The following SLC13A3 variants were observed in gnomAD, a reference collection of about 807,000 sequenced individuals.
SLC13A3 encodes solute carrier family 13 member 3.
In SLC13A3, 40 loss-of-function variants were observed where a neutral mutation model predicts 59.0. The observed-to-expected ratio is 0.68, with a 90% CI of 0.53 to 0.88. SLC13A3 has a LOEUF of 0.88. SLC13A3 is among the 40% of genes least tolerant of loss of function. The pLI, the probability that SLC13A3 is intolerant of heterozygous loss-of-function variation, is 0.00. For missense variants in SLC13A3, 699 were observed against 783.2 expected (o/e 0.89, Z 1.28); for synonymous variants, 317 against 330.3 (o/e 0.96, Z 0.44).
intron 1 of SLC13A3, among the ~76,000 whole-genome samples, chr20:46,645,708 A>G (rs1432689554): frequency 6.6e-6 from 1 of 152,190 alleles, no homozygotes; most frequent in East Asian, 1.9e-4. Context: ...TGCAACAAAG[A>G]GAGGGCAGAT....
chr20:46,651,810 C>T (rs2062954359), upstream of SLC13A3, among the ~76,000 whole-genome samples: 1 of 152,198 alleles, frequency 6.6e-6, no homozygotes. Context: ...AATCCTGGCA[C>T]GGCCACTTAC....
At chr20:46,588,820 A>C (rs1451945592) in intron 7 of SLC13A3, among the ~76,000 whole-genome samples, 1 of 152,074 alleles carries the variant, frequency 6.6e-6, no homozygotes, top group Non-Finnish European at 1.5e-5. Flanking sequence ...CGTTATTTTC[A>C]CCATATGGAA....
rs759303431 is a variant in SLC13A3, at chr20:46,560,770, G to A, written c.1633-572C>T. 3.3e-5 allele frequency among the ~76,000 whole-genome samples: 5 copies of A among 152,164 alleles called. 1 individual carries two copies. Among genetic ancestry groups the A allele is most frequent in the Admixed American group, 2.6e-4 (4 of 15,278 alleles). ...CATTGGGAAGCATTTTTCTTCTGTC[G>A]GTGGAGAATGTGCCCATCTGCTCCC... On this transcript the variant is annotated intron_variant, in intron 12 of 12. Coordinates refer to ENST00000279027, the MANE Select transcript of SLC13A3 (RefSeq NM_022829.6).
At chr20:46,560,560 T>C (rs1020474099) in intron 12 of SLC13A3, among the ~76,000 whole-genome samples, 3 of 152,146 alleles carry the variant, frequency 2.0e-5, no homozygotes, top group Non-Finnish European at 4.4e-5. Flanking sequence ...AGTTGACTTG[T>C]CCAAGGTCAC....
chr20:46,625,172 A>G (rs529043740), intron 1 of SLC13A3, among the ~76,000 whole-genome samples: 148 of 152,332 alleles, frequency 9.7e-4, no homozygotes, highest in African/African-American at 3.4e-3. Context: ...AGGGGAACTC[A>G]GGAGACAATA....
At chr20:46,667,937 A>G (rs2063070348) in intron 1 of SLC13A3, among the ~76,000 whole-genome samples, 1 of 152,150 alleles carries the variant, frequency 6.6e-6, no homozygotes, top group African/African-American at 2.4e-5. Flanking sequence ...TGATCTTTGA[A>G]GTTACTATTG....
chr20:46,615,260 T>A (rs1185486734), intron 1 of SLC13A3, among the ~76,000 whole-genome samples: 1 of 152,206 alleles, frequency 6.6e-6, no homozygotes, highest in Non-Finnish European at 1.5e-5. Flanking sequence ...TGGAGCCATC[T>A]TATGGCTCTT....
At chr20:46,682,883 G>A (rs771230505) in intron 1 of SLC13A3, among the ~76,000 whole-genome samples, 2 of 152,154 alleles carry the variant, frequency 1.3e-5, no homozygotes, top group Non-Finnish European at 2.9e-5. Flanking sequence ...CCCGGTGGAC[G>A]TCAAGGGATC....
At chr20:46,633,181 G>A (rs2062761916) in intron 1 of SLC13A3, among the ~76,000 whole-genome samples, 2 of 152,080 alleles carry the variant, frequency 1.3e-5, no homozygotes, top group African/African-American at 4.8e-5. Flanking sequence ...ACCCCAAAGG[G>A]AAAGAAATTT....
At chr20:46,678,306 T>C (rs558457594) in intron 1 of SLC13A3, among the ~76,000 whole-genome samples, 1 of 152,350 alleles carries the variant, frequency 6.6e-6, no homozygotes, top group South Asian at 2.1e-4. Flanking sequence ...GGCAGCAAGA[T>C]GCTATGAACA....
intron 3 of SLC13A3, 139 bp from the exon 4 acceptor site, chr20:46,600,176 G>C (rs1432553949): frequency 4.6e-6 from 1 of 219,444 alleles, no homozygotes; most frequent in Non-Finnish European, 8.7e-6. Context: ...CAAAGACAGA[G>C]AGAGAGAGGA....
At chr20:46,596,916 G>A (rs2062317869) in intron 4 of SLC13A3, among the ~76,000 whole-genome samples, 1 of 152,086 alleles carries the variant, frequency 6.6e-6, no homozygotes, top group South Asian at 2.1e-4. Context: ...AGCTGGGCAT[G>A]GTGGCACGCA....
At chr20:46,676,976 C>T (rs1220417709) in intron 1 of SLC13A3, among the ~76,000 whole-genome samples, 2 of 151,820 alleles carry the variant, frequency 1.3e-5, no homozygotes, top group East Asian at 1.9e-4. Context: ...AGTGCAGTGG[C>T]GATCTCGGCT....
At chr20:46,667,093 C>A (rs192923516) in intron 1 of SLC13A3, among the ~76,000 whole-genome samples, 13 of 152,036 alleles carry the variant, frequency 8.6e-5, no homozygotes, top group Non-Finnish European at 1.8e-4. Flanking sequence ...TATTTCCCAA[C>A]GGACCCATTC....
intron 2 of SLC13A3, 109 bp downstream of exon 2, chr20:46,613,351 G>A (rs952692957): frequency 1.4e-4 from 98 of 679,596 alleles, no homozygotes; most frequent in African/African-American, 1.3e-3. Context: ...GGTGGGAACC[G>A]ATGAGTTTCT....
intron 9 of SLC13A3, among the ~76,000 whole-genome samples, chr20:46,580,040 A>T (rs1218250259): frequency 6.6e-6 from 1 of 151,744 alleles, no homozygotes. Context: ...ATCTCGGCTC[A>T]CTGCAACCGG....
chr20:46,669,174 A>G (rs2063077101), intron 1 of SLC13A3, among the ~76,000 whole-genome samples: 1 of 152,214 alleles, frequency 6.6e-6, no homozygotes, highest in African/African-American at 2.4e-5. Flanking sequence ...TCAGAAGATC[A>G]AGAAGTTATT....
chr20:46,583,603 C>T lies in SLC13A3; in HGVS notation c.1188G>A (p.Arg396=). ...VTILFFFPSQ[R]PSLKWWFDFK... Reference sequence around the variant, plus strand: ...AGTCAAACCACCACTTGAGAGAGGGCCTTTGGGACGGGAAGAAGAACAAGA... The same window carrying T: ...AGTCAAACCACCACTTGAGAGAGGGTCTTTGGGACGGGAAGAAGAACAAGA... The change falls in exon 9 of 13, where the codon AGG becomes AGA. Residue 396 remains arginine (R), a synonymous_variant. Transcript: ENST00000279027. 6.2e-7 allele frequency: 1 copy of T among 1,613,762 alleles called. No individual in the cohort carries two copies. The highest frequency in any genetic ancestry group is 8.5e-7 in the Non-Finnish European group (1 of 1,179,946).
chr20:46,632,935 C>CCA, intron 1 of SLC13A3, among the ~76,000 whole-genome samples: 1 of 18,434 alleles, frequency 5.4e-5, no homozygotes, highest in African/African-American at 2.2e-4. Flanking sequence ...ATCTATCTAT[C>CCA]TATCTATCTA....
Sources: allele counts gnomAD v4.1 joint callset (sites outside exome capture counted in the v4.1 genomes callset), GRCh38; gene constraint gnomAD v4.1.1; transcripts MANE v1.5; gene names NCBI Gene and HGNC (gene_info 2026-07-23, HGNC 2026-07-21).